PLCG2: variants seen among roughly 807,000 people sequenced by gnomAD.
PLCG2 encodes the protein phospholipase C gamma 2.
PLCG2 carries 69 observed loss-of-function variants against 175.6 expected under a neutral mutation model. The observed-to-expected ratio is 0.39, with a 90% CI of 0.32 to 0.48. The LOEUF is 0.48. PLCG2 is among the 20% of genes least tolerant of loss of function. The pLI is 0.91. For missense variants in PLCG2, 1,798 were observed against 1,650.9 expected (o/e 1.09, Z -1.54); for synonymous variants, 827 against 624.0 (o/e 1.33, Z -4.85).
intron 1 of PLCG2, among the ~76,000 whole-genome samples, chr16:81,742,438 T>C (rs1456720448): frequency 6.6e-6 from 1 of 152,162 alleles, no homozygotes; most frequent in African/African-American, 2.4e-5. Context: ...TCTTCCATCC[T>C]ACTCCTGGGG....
chr16:81,859,717 T>TA (rs1906871006), intron 5 of PLCG2, among the ~76,000 whole-genome samples: 1 of 152,060 alleles, frequency 6.6e-6, no homozygotes, highest in African/African-American at 2.4e-5. Context: ...TTTGTATTTT[T>TA]AGTAGAGACA....
chr16:81,773,771 C>G (rs1910332727), intron 2 of PLCG2, among the ~76,000 whole-genome samples: 1 of 152,094 alleles, frequency 6.6e-6, no homozygotes, highest in Non-Finnish European at 1.5e-5. Flanking sequence ...GCCCTATTTA[C>G]CAAAGAAGAA....
intron 12 of PLCG2, among the ~76,000 whole-genome samples, chr16:81,894,282 A>T (rs1456774068): frequency 6.6e-6 from 1 of 152,082 alleles, no homozygotes; most frequent in Non-Finnish European, 1.5e-5. Flanking sequence ...TAAAAAAATT[A>T]GCTGTGTGTA....
At chr16:81,876,657 C>T (rs1188188245) in intron 7 of PLCG2, among the ~76,000 whole-genome samples, 3 of 152,112 alleles carry the variant, frequency 2.0e-5, no homozygotes, top group African/African-American at 7.2e-5. Context: ...TGTGCGTGAC[C>T]CAAGAGGCAC....
intron 21 of PLCG2, among the ~76,000 whole-genome samples, chr16:81,922,116 G>A (rs1376753907): frequency 6.6e-6 from 1 of 152,166 alleles, no homozygotes; most frequent in Non-Finnish European, 1.5e-5. Context: ...GGATACGCAA[G>A]TAGAGGCTGC....
At chr16:81,764,896 C>G (rs1399063904) in intron 2 of PLCG2, among the ~76,000 whole-genome samples, 1 of 151,932 alleles carries the variant, frequency 6.6e-6, no homozygotes, top group East Asian at 1.9e-4. Context: ...TCGAGACCAG[C>G]CTGGACAAAA....
intron 4 of PLCG2, among the ~76,000 whole-genome samples, chr16:81,858,607 A>T (rs958756942): frequency 6.6e-6 from 1 of 152,148 alleles, no homozygotes; most frequent in African/African-American, 2.4e-5. Flanking sequence ...TCGAGATAGA[A>T]ACATTCCTGG....
intron 6 of PLCG2, among the ~76,000 whole-genome samples, chr16:81,869,541 C>A (rs1038872886): frequency 6.6e-6 from 1 of 152,152 alleles, no homozygotes; most frequent in African/African-American, 2.4e-5. Flanking sequence ...GAACATCTAC[C>A]CTCAGACCTG....
chr16:81,783,182 T>A (rs4476171), intron 1 of PLCG2: 475,839 of 476,018 alleles, frequency 1, 237,830 homozygotes, highest in Non-Finnish European at 1. Flanking sequence ...TCCAGTGGAC[T>A]ATGGCCTAGA....
chr16:81,935,427 A>T (rs973482448), intron 26 of PLCG2: 65 of 199,230 alleles, frequency 3.3e-4, no homozygotes, highest in Non-Finnish European at 4.0e-4. Context: ...GGGGCCATTT[A>T]AAAAAAAAAA....
At position 81,912,679 on chromosome 16, in the gene PLCG2, AAGCGAGAGGGG is replaced by A; in HGVS notation, c.2023_2033del (p.Glu675LeufsTer9). On this transcript the variant is annotated frameshift_variant, in exon 19 of 33. Coordinates refer to ENST00000564138, the MANE Select transcript of PLCG2 (RefSeq NM_002661.5). LOFTEE classifies it high-confidence loss of function. ...CCGGGACGGGGCCTTCCTGATCCGG[AAGCGAGAGGGG>A]AGCGACTCCTATGCCATCACCTTCA... 1 of 1,612,576 alleles carries A rather than the reference AAGCGAGAGGGG, an allele frequency of 6.2e-7. No homozygotes were observed. Among genetic ancestry groups the A allele is most frequent in the Non-Finnish European group, 8.5e-7 (1 of 1,179,366 alleles).
At chr16:81,791,606 C>G (rs1911234255) in intron 2 of PLCG2, among the ~76,000 whole-genome samples, 1 of 152,248 alleles carries the variant, frequency 6.6e-6, no homozygotes, top group South Asian at 2.1e-4. Context: ...TCTCTGTCAC[C>G]CAGGCTGGAG....
intron 10 of PLCG2, 88 bp from the exon 11 acceptor site, chr16:81,891,384 T>G: frequency 1.3e-6 from 1 of 793,160 alleles, no homozygotes. Flanking sequence ...GAGCTGTTCT[T>G]CCCCCCTGGT....
upstream of PLCG2, among the ~76,000 whole-genome samples, chr16:81,779,107 G>A (rs567114075): frequency 1.2e-3 from 177 of 152,334 alleles, no homozygotes; most frequent in Non-Finnish European, 2.2e-3. Context: ...TCTTTGGCAC[G>A]CAGAGGCGGG....
At chr16:81,790,699 G>T (rs925559710) in intron 2 of PLCG2, among the ~76,000 whole-genome samples, 1 of 152,140 alleles carries the variant, frequency 6.6e-6, no homozygotes, top group South Asian at 2.1e-4. Flanking sequence ...TCCCTGTGCA[G>T]ACCTGGGTAA....
At chr16:81,822,632 C>T (rs373339057) in intron 2 of PLCG2, among the ~76,000 whole-genome samples, 1 of 151,794 alleles carries the variant, frequency 6.6e-6, no homozygotes, top group Non-Finnish European at 1.5e-5. Context: ...TGGCGTGTAC[C>T]TGTAATCCCA....
chr16:81,810,399 G>T (rs1364277573), intron 2 of PLCG2, among the ~76,000 whole-genome samples: 2 of 152,172 alleles, frequency 1.3e-5, no homozygotes. Flanking sequence ...TTCGTTATTT[G>T]CAGCATCAGT....
chr16:81,876,583 G>T (rs1000394928), intron 7 of PLCG2, among the ~76,000 whole-genome samples: 15 of 152,134 alleles, frequency 9.9e-5, no homozygotes, highest in African/African-American at 3.4e-4. Context: ...ACATTTCCCT[G>T]TAGCCTTTTA....
intron 1 of PLCG2, among the ~76,000 whole-genome samples, chr16:81,749,677 T>G (rs1379275858): frequency 6.6e-6 from 1 of 152,124 alleles, no homozygotes; most frequent in Non-Finnish European, 1.5e-5. Flanking sequence ...TTTAAAGAAA[T>G]AGATGAGTGT....
Sources: gnomAD v4.1 joint callset for allele counts (sites outside exome capture counted in the v4.1 genomes callset) on GRCh38, gnomAD v4.1.1 for gene constraint, MANE v1.5 for transcripts, NCBI Gene and HGNC (gene_info 2026-07-23, HGNC 2026-07-21) for gene names.